ZSWIM3: variants seen among roughly 807,000 people sequenced by gnomAD.
ZSWIM3 encodes zinc finger SWIM-type containing 3.
In ZSWIM3, 27 loss-of-function variants were observed where a neutral mutation model predicts 47.5. The ratio of observed to expected loss-of-function variants is 0.57; its 90% CI spans 0.42 to 0.78. The LOEUF (loss-of-function observed/expected upper bound fraction) is 0.78, where lower values mean the gene tolerates loss of function less well. Among genes scored for constraint, ZSWIM3 ranks in the 30% least tolerant of loss-of-function variants. The pLI, the probability that ZSWIM3 is intolerant of heterozygous loss-of-function variation, is 0.00. For missense variants in ZSWIM3, 689 were observed against 861.3 expected (o/e 0.80, Z 2.50); for synonymous variants, 333 against 333.9 (o/e 1.00, Z 0.03).
intron 1 of ZSWIM3, among the ~76,000 whole-genome samples, chr20:45,873,746 C>T (rs1389531914): frequency 6.6e-6 from 1 of 152,124 alleles, no homozygotes; most frequent in Non-Finnish European, 1.5e-5. Flanking sequence ...AGCCAGTATT[C>T]AAATCCAGTC....
chr20:45,862,608 C>T (rs1464359079), intron 1 of ZSWIM3, among the ~76,000 whole-genome samples: 1 of 152,170 alleles, frequency 6.6e-6, no homozygotes, highest in African/African-American at 2.4e-5. Context: ...TCTCCTGTCT[C>T]AGCCTCCCAA....
chr20:45,866,173 G>T (rs943395291), intron 1 of ZSWIM3, among the ~76,000 whole-genome samples: 2 of 151,604 alleles, frequency 1.3e-5, no homozygotes, highest in African/African-American at 4.8e-5. Flanking sequence ...GTGGTGGTGG[G>T]CACCTATAAT....
rs986027175 is a variant in ZSWIM3, at chr20:45,877,499, T to G, written c.941T>G (p.Leu314Trp). 1 of 1,614,172 alleles carries G rather than the reference T, an allele frequency of 6.2e-7. No homozygotes were observed. The highest frequency in any genetic ancestry group is 8.5e-7 in the Non-Finnish European group (1 of 1,180,024). ...LLSIYHTTRLLEKKLHRSSAN... is the reference protein window; with the variant it reads ...LLSIYHTTRLWEKKLHRSSAN... ...TCCATCTACCACACAACCCGACTCT[T>G]GGAGAAGAAGTTGCATCGTAGTTCA... Residue 314 changes from leucine (L) to tryptophan (W), a missense_variant, in exon 2 of 2, where the codon TTG (leucine) becomes TGG (tryptophan). Transcript: ENST00000255152.
chr20:45,864,154 G>A (rs1276688891), intron 1 of ZSWIM3, among the ~76,000 whole-genome samples: 1 of 152,150 alleles, frequency 6.6e-6, no homozygotes, highest in Admixed American at 6.5e-5. Flanking sequence ...TGTTTACCAT[G>A]GGCCAGGAGT....
At chr20:45,860,442 T>A (rs1439574133) in intron 1 of ZSWIM3, among the ~76,000 whole-genome samples, 1 of 137,524 alleles carries the variant, frequency 7.3e-6, no homozygotes, top group Admixed American at 8.0e-5. Flanking sequence ...AGCCGGGAGG[T>A]GGAGGTTGCA....
At chr20:45,865,319 C>CA (rs201175786) in intron 1 of ZSWIM3, among the ~76,000 whole-genome samples, 3,242 of 100,750 alleles carry the variant, frequency 0.032, 103 homozygotes, top group African/African-American at 0.095. Flanking sequence ...AACTCTGTCT[C>CA]AAAAAAAAAA....
Position 45,878,569 on chromosome 20 carries a change from G to A in ZSWIM3, c.2011G>A (p.Val671Met), listed in dbSNP as rs750733599. ...TCAGCAGCCAGGAGACTTTAAGGACGTGGGCCGCCTCCCTTTCCTCTGGGG... is the reference window on the plus strand; with the variant it reads ...TCAGCAGCCAGGAGACTTTAAGGACATGGGCCGCCTCCCTTTCCTCTGGGG... ...LFQQPGDFKD[V>M]GRLPFLWGKQ... The change falls in exon 2 of 2, where the codon GTG becomes ATG. Residue 671 changes from valine (V) to methionine (M), a missense_variant. Physicochemically the swap from Val to Met is conservative, Grantham distance 21. Transcript: ENST00000255152. 1.1e-5 allele frequency: 18 copies of A among 1,613,976 alleles called. No homozygotes were observed. In the African/African-American group the frequency reaches 1.3e-4, roughly 12 times the overall value.
At chr20:45,868,658 C>T (rs1235100996) in intron 1 of ZSWIM3, among the ~76,000 whole-genome samples, 1 of 151,836 alleles carries the variant, frequency 6.6e-6, no homozygotes, top group Non-Finnish European at 1.5e-5. Context: ...GTTGGGATTA[C>T]AGGCATGAAC....
chr20:45,878,567 A>C lies in ZSWIM3; in HGVS notation c.2009A>C (p.Asp670Ala). ...TTTCAGCAGCCAGGAGACTTTAAGG[A>C]CGTGGGCCGCCTCCCTTTCCTCTGG... ...ELFQQPGDFK[D>A]VGRLPFLWGK... The change falls in exon 2 of 2, where the codon GAC (aspartate) becomes GCC (alanine). Residue 670 changes from aspartate (D) to alanine (A), a missense_variant. Asp to Ala is a moderately radical substitution (Grantham distance 126). Coordinates refer to ENST00000255152, the MANE Select transcript of ZSWIM3 (RefSeq NM_080752.4). 1 of 1,614,098 alleles carries C rather than the reference A, an allele frequency of 6.2e-7. No individual in the cohort carries two copies. The highest frequency in any genetic ancestry group is 8.5e-7 in the Non-Finnish European group (1 of 1,180,010).
Position 45,876,927 on chromosome 20 carries a change from C to G in ZSWIM3, c.369C>G (p.Cys123Trp), listed in dbSNP as rs1398327890. The G allele has an allele frequency of 3.7e-6, 6 of 1,614,066 alleles. No individual in the cohort carries two copies. The highest frequency in any genetic ancestry group is 5.1e-6 in the Non-Finnish European group (6 of 1,180,014). The change falls in exon 2 of 2, where the codon TGC becomes TGG. Residue 123 changes from cysteine to tryptophan, a missense_variant. By Grantham distance (215) the Cys-to-Trp change is radical (BLOSUM62 -2). Coordinates refer to ENST00000255152, the MANE Select transcript of ZSWIM3 (RefSeq NM_080752.4). ...DTTGKSQKTM[C>W]LQRLQPVQPT... ...CTGGCAAATCTCAAAAGACAATGTGCCTGCAGAGACTCCAGCCTGTGCAGC... is the reference window on the plus strand; with the variant it reads ...CTGGCAAATCTCAAAAGACAATGTGGCTGCAGAGACTCCAGCCTGTGCAGC...
intron 1 of ZSWIM3, among the ~76,000 whole-genome samples, chr20:45,865,771 G>A (rs1304239709): frequency 6.6e-6 from 1 of 151,970 alleles, no homozygotes; most frequent in East Asian, 1.9e-4. Context: ...GCCGAGGCGG[G>A]CAGATCACGA....
At position 45,857,962 on chromosome 20, in the gene ZSWIM3, C is replaced by G. The variant is rs754868557; in HGVS notation, c.137C>G (p.Ser46Cys). ...VRFHNLNHGT[S>C]IREDILYVQV... Reference sequence around the variant, plus strand: ...TTCCACAACCTCAACCATGGCACCTCCATCCGCGAAGACATCCTGTAAGGG... The same window carrying G: ...TTCCACAACCTCAACCATGGCACCTGCATCCGCGAAGACATCCTGTAAGGG... Residue 46 changes from serine to cysteine, a missense_variant, in exon 1 of 2, where the codon TCC (serine) becomes TGC (cysteine). Transcript: ENST00000255152. 8 of 1,612,224 alleles carry G rather than the reference C, an allele frequency of 5.0e-6. No individual in the cohort carries two copies. The South Asian group carries it at 7.7e-5, about 16-fold the overall frequency.
At chr20:45,871,226 T>C (rs1417637945) in intron 1 of ZSWIM3, among the ~76,000 whole-genome samples, 2 of 152,232 alleles carry the variant, frequency 1.3e-5, no homozygotes, top group African/African-American at 4.8e-5. Context: ...CATGGTTTTA[T>C]ACTTTCCTGA....
rs749042009 is a variant in ZSWIM3, at chr20:45,878,454, G to A, written c.1896G>A (p.Gln632=). 6.2e-7 allele frequency: 1 copy of A among 1,614,226 alleles called. No individual in the cohort carries two copies. The highest frequency in any genetic ancestry group is 8.5e-7 in the Non-Finnish European group (1 of 1,180,038). The change falls in exon 2 of 2, where the codon CAG becomes CAA. Residue 632 remains glutamine, a synonymous_variant. Transcript: ENST00000255152. The stretch of plus-strand genomic sequence containing the variant: ...GGGAGTTAGCAAACCTGCTCATGCA[G>A]ACCGAGGGGCCAGAGCTGGAGGAAC... ...LSRELANLLM[Q]TEGPELEERY...
intron 1 of ZSWIM3, among the ~76,000 whole-genome samples, chr20:45,874,739 C>T (rs1017703081): frequency 1.3e-5 from 2 of 151,604 alleles, no homozygotes; most frequent in Non-Finnish European, 2.9e-5. Flanking sequence ...AAGCACTCTG[C>T]TGCTGCTGCT....
At position 45,857,988 on chromosome 20, in the gene ZSWIM3, C is replaced by CGGGCG. The variant is rs1407120900; in HGVS notation, c.155+21_155+25dup. The CGGGCG allele has an allele frequency of 1.0e-4, 6 of 58,962 alleles. No homozygotes were observed. The highest frequency in any genetic ancestry group is 4.2e-4 in the African/African-American group (1 of 2,354). 3.7% of individuals were successfully genotyped at this position (58,962 alleles called of 1,614,324 possible). ...CATCCGCGAAGACATCCTGTAAGGG[C>CGGGCG]GGGCGGGGCGGGGCGGGCCAAGAGG... On this transcript the variant is annotated intron_variant, in intron 1 of 1. Coordinates refer to ENST00000255152, the MANE Select transcript of ZSWIM3 (RefSeq NM_080752.4).
intron 1 of ZSWIM3, among the ~76,000 whole-genome samples, chr20:45,873,031 A>T (rs1486459927): frequency 5.3e-5 from 8 of 151,650 alleles, no homozygotes. Context: ...GGGCTGGGGC[A>T]CTCCCTGAGG....
intron 1 of ZSWIM3, among the ~76,000 whole-genome samples, chr20:45,876,242 A>G (rs1048956839): frequency 4.0e-5 from 6 of 151,882 alleles, no homozygotes; most frequent in Non-Finnish European, 7.4e-5. Context: ...GGGTTTCTCC[A>G]TGTTGGTAGT....
chr20:45,862,015 C>T (rs1427925155), intron 1 of ZSWIM3, among the ~76,000 whole-genome samples: 2 of 151,808 alleles, frequency 1.3e-5, no homozygotes, highest in African/African-American at 2.4e-5. Flanking sequence ...GGCGACACAG[C>T]GAGACTCTGT....
Sources: allele counts gnomAD v4.1 joint callset (sites outside exome capture counted in the v4.1 genomes callset), GRCh38; gene constraint gnomAD v4.1.1; transcripts MANE v1.5; gene names NCBI Gene and HGNC (gene_info 2026-07-23, HGNC 2026-07-21).